ZMAT4: variants seen among roughly 807,000 people sequenced by gnomAD.
ZMAT4 encodes the protein zinc finger matrin-type protein 4.
ZMAT4 carries 17 observed loss-of-function variants against 28.7 expected under a neutral mutation model. The ratio of observed to expected loss-of-function variants is 0.59; its 90% CI spans 0.41 to 0.89. The LOEUF (loss-of-function observed/expected upper bound fraction) is 0.89, where lower values mean the gene tolerates loss of function less well. Among genes scored for constraint, ZMAT4 ranks in the 40% least tolerant of loss-of-function variants. The pLI is 0.00. For synonymous variants in ZMAT4, 117 were observed against 109.2 expected (o/e 1.07, Z -0.44); for missense variants, 240 against 283.8 (o/e 0.85, Z 1.11).
chr8:40,780,060 AC>A (rs1813766872), intron 2 of ZMAT4, among the ~76,000 whole-genome samples: 1 of 151,554 alleles, frequency 6.6e-6, no homozygotes, highest in African/African-American at 2.4e-5. Flanking sequence ...CTTCCTAACC[AC>A]CTTCACAACC....
chr8:40,726,392 G>A (rs1331747473), intron 3 of ZMAT4, among the ~76,000 whole-genome samples: 1 of 152,204 alleles, frequency 6.6e-6, no homozygotes, highest in Non-Finnish European at 1.5e-5. Context: ...AACTGATTAA[G>A]TAGAATGTCT....
intron 1 of ZMAT4, among the ~76,000 whole-genome samples, chr8:40,847,333 T>A (rs949968501): frequency 1.3e-5 from 2 of 152,102 alleles, no homozygotes; most frequent in Non-Finnish European, 1.5e-5. Flanking sequence ...TACACTAAGA[T>A]GTTAATGAGA....
rs779945743 is a variant in ZMAT4 at position 40,742,777 on chromosome 8, ACACAC to A, written c.192+24859_192+24863del. ...CACACACACACACACACACACACACACACACACACACACACAAACAGCCGTCTCAA... is the reference window on the plus strand; with the variant it reads ...CACACACACACACACACACACACACAACACACACACAAACAGCCGTCTCAA... On this transcript the variant is annotated intron_variant, in intron 3 of 6. Coordinates refer to ENST00000297737, the MANE Select transcript of ZMAT4 (RefSeq NM_024645.3). Among the ~76,000 whole-genome samples the A allele has an allele frequency of 8.2e-3, 1,219 of 148,536 alleles. 10 individuals are homozygous for A. Among genetic ancestry groups the A allele is most frequent in the African/African-American group, 0.018 (715 of 38,862 alleles).
At chr8:40,868,632 G>T (rs1316795927) in intron 1 of ZMAT4, among the ~76,000 whole-genome samples, 2 of 152,138 alleles carry the variant, frequency 1.3e-5, no homozygotes, top group Non-Finnish European at 2.9e-5. Flanking sequence ...GGCAGAAGAG[G>T]GTCCAAGGTC....
chr8:40,724,981 AACCTGTCTAT>A (rs2150521081), intron 3 of ZMAT4, among the ~76,000 whole-genome samples: 1 of 152,282 alleles, frequency 6.6e-6, no homozygotes, highest in East Asian at 1.9e-4. Context: ...CTTCTTGTTT[AACCTGTCTAT>A]ATTTTCCATT....
Position 40,698,542 on chromosome 8 carries a change from T to C in ZMAT4, c.193-1141A>G, listed in dbSNP as rs532512163. Among the ~76,000 whole-genome samples the C allele has an allele frequency of 2.0e-5, 3 of 152,316 alleles. No individual in the cohort carries two copies. The South Asian group carries it at 6.2e-4, about 32-fold the overall frequency. On this transcript the variant is annotated intron_variant, in intron 3 of 6. Coordinates refer to ENST00000297737, the MANE Select transcript of ZMAT4 (RefSeq NM_024645.3). ...GGCCCCACAATGGCCGCTTCTCTTATTCCTAGTGAGCCCAGACAGTACAAT... is the reference window on the plus strand; with the variant it reads ...GGCCCCACAATGGCCGCTTCTCTTACTCCTAGTGAGCCCAGACAGTACAAT...
At chr8:40,828,323 G>C (rs1215661397) in intron 1 of ZMAT4, among the ~76,000 whole-genome samples, 1 of 152,192 alleles carries the variant, frequency 6.6e-6, no homozygotes, top group African/African-American at 2.4e-5. Context: ...CATGTTCCCT[G>C]CTATTTCTAA....
chr8:40,764,978 T>C (rs984399780), intron 3 of ZMAT4, among the ~76,000 whole-genome samples: 2 of 150,920 alleles, frequency 1.3e-5, no homozygotes, highest in East Asian at 4.1e-4. Context: ...TCTATAGGTA[T>C]GTACCACCAT....
intron 2 of ZMAT4, among the ~76,000 whole-genome samples, chr8:40,809,315 G>A (rs1815224865): frequency 6.6e-6 from 1 of 151,994 alleles, no homozygotes; most frequent in African/African-American, 2.4e-5. Flanking sequence ...AGACACTGCT[G>A]ACTACTGGAG....
chr8:40,765,203 C>A (rs1813100407), intron 3 of ZMAT4, among the ~76,000 whole-genome samples: 1 of 152,256 alleles, frequency 6.6e-6, no homozygotes, highest in South Asian at 2.1e-4. Flanking sequence ...GACACCATTT[C>A]TTATTCTCCA....
chr8:40,590,704 T>C (rs1406357698), intron 5 of ZMAT4, among the ~76,000 whole-genome samples: 1 of 129,154 alleles, frequency 7.7e-6, no homozygotes. Context: ...TTTAAAGCTT[T>C]CAGTATAAGT....
intron 1 of ZMAT4, among the ~76,000 whole-genome samples, chr8:40,895,626 C>G (rs974889395): frequency 6.6e-6 from 1 of 152,180 alleles, no homozygotes; most frequent in East Asian, 1.9e-4. Context: ...CCCTCCGCCC[C>G]CTCCCCCCAC....
chr8:40,852,060 T>G (rs748357315), intron 1 of ZMAT4, among the ~76,000 whole-genome samples: 1 of 151,892 alleles, frequency 6.6e-6, no homozygotes, highest in Non-Finnish European at 1.5e-5. Context: ...AATTTTTGTG[T>G]TTTTTGGTAG....
chr8:40,655,001 T>C (rs1424455909), intron 5 of ZMAT4, among the ~76,000 whole-genome samples: 1 of 151,258 alleles, frequency 6.6e-6, no homozygotes, highest in East Asian at 2.0e-4. Flanking sequence ...AAAGAAGTAG[T>C]AAAACTCTCT....
intron 5 of ZMAT4, among the ~76,000 whole-genome samples, chr8:40,632,453 C>T (rs1039831940): frequency 7.2e-5 from 11 of 152,068 alleles, no homozygotes; most frequent in African/African-American, 2.7e-4. Context: ...TAGGGACTCC[C>T]AGAGGATATG....
Position 40,843,155 on chromosome 8 carries a change from A to G in ZMAT4, c.-4-17475T>C, listed in dbSNP as rs139443917. 1.8e-4 allele frequency among the ~76,000 whole-genome samples: 27 copies of G among 152,376 alleles called. No homozygotes were observed. In the East Asian group the frequency reaches 5.0e-3, roughly 28 times the overall value. ...AGCCCCTGACAGAGAGGCAAGGCCA[A>G]GAAGCAATTTTGGTTTCCTTCTACC... On this transcript the variant is annotated intron_variant, in intron 1 of 6. Transcript: ENST00000297737.
intron 3 of ZMAT4, among the ~76,000 whole-genome samples, chr8:40,751,295 G>A (rs907040480): frequency 6.6e-6 from 1 of 152,144 alleles, no homozygotes; most frequent in Non-Finnish European, 1.5e-5. Flanking sequence ...AGGAAGCATG[G>A]TGCCAGCATC....
At chr8:40,790,683 G>A (rs1268259783) in intron 2 of ZMAT4, among the ~76,000 whole-genome samples, 1 of 152,060 alleles carries the variant, frequency 6.6e-6, no homozygotes, top group East Asian at 1.9e-4. Context: ...TTAAAGACTT[G>A]ATATTGTTAA....
intron 3 of ZMAT4, among the ~76,000 whole-genome samples, chr8:40,737,616 G>A (rs1476989495): frequency 6.6e-6 from 1 of 152,204 alleles, no homozygotes; most frequent in African/African-American, 2.4e-5. Context: ...CTTGGCCAAT[G>A]TTTCAGAGGT....
Sources: allele counts gnomAD v4.1 joint callset (sites outside exome capture counted in the v4.1 genomes callset), GRCh38; gene constraint gnomAD v4.1.1; transcripts MANE v1.5; gene names NCBI Gene and HGNC (gene_info 2026-07-23, HGNC 2026-07-21).